The following ABCA13 variants were observed in gnomAD, a reference collection of about 807,000 sequenced individuals.
ABCA13 encodes the protein ATP binding cassette subfamily A member 13.
ABCA13 carries 476 observed loss-of-function variants against 478.7 expected under a neutral mutation model. The observed-to-expected ratio is 0.99, with a 90% CI of 0.92 to 1.07. The LOEUF is 1.07. Ranked by LOEUF, ABCA13 falls within the 50% of genes least tolerant of loss-of-function variation. ABCA13 has a pLI of 0.00. For synonymous variants in ABCA13, 2,252 were observed against 2,158.9 expected (o/e 1.04, Z -1.20); for missense variants, 6,060 against 5,910.6 (o/e 1.03, Z -0.83).
At chr7:48,379,831 C>G (rs1814072092) in intron 35 of ABCA13, among the ~76,000 whole-genome samples, 1 of 152,072 alleles carries the variant, frequency 6.6e-6, no homozygotes, top group Non-Finnish European at 1.5e-5. Context: ...TGACCTGGGT[C>G]TTTATTTAAA....
At chr7:48,446,554 T>A (rs888444221) in intron 42 of ABCA13, among the ~76,000 whole-genome samples, 1 of 152,184 alleles carries the variant, frequency 6.6e-6, no homozygotes, top group Admixed American at 6.5e-5. Flanking sequence ...CTTCTTCTGA[T>A]GATGGAAAGC....
chr7:48,562,878 G>C (rs1185461531), intron 55 of ABCA13, among the ~76,000 whole-genome samples: 1 of 151,960 alleles, frequency 6.6e-6, no homozygotes, highest in African/African-American at 2.4e-5. Flanking sequence ...ATCATCCTCT[G>C]TAATGATACT....
At chr7:48,418,876 C>T (rs1820376015) in intron 41 of ABCA13, among the ~76,000 whole-genome samples, 1 of 152,132 alleles carries the variant, frequency 6.6e-6, no homozygotes, top group African/African-American at 2.4e-5. Context: ...AGTCCATTCT[C>T]ACATTGCTGT....
At chr7:48,281,209 A>G in intron 18 of ABCA13, 134 bp from the exon 19 acceptor site, 2 of 709,522 alleles carry the variant, frequency 2.8e-6, no homozygotes, top group Non-Finnish European at 4.8e-6. Context: ...TTATGTTCCT[A>G]TGAAGAAAAT....
intron 35 of ABCA13, among the ~76,000 whole-genome samples, chr7:48,386,812 G>A (rs1815262863): frequency 6.6e-6 from 1 of 152,122 alleles, no homozygotes. Context: ...ATACAATTTA[G>A]GACATAGTCA....
chr7:48,323,901 T>C (rs1803906162), intron 27 of ABCA13, among the ~76,000 whole-genome samples: 1 of 152,162 alleles, frequency 6.6e-6, no homozygotes, highest in Non-Finnish European at 1.5e-5. Flanking sequence ...ATTTTATAAA[T>C]GGGAGTTCCC....
Position 48,368,747 on chromosome 7 carries a change from T to TTA in ABCA13, c.10803+852_10803+853dup, listed in dbSNP as rs142919965. On this transcript the variant is annotated intron_variant, in intron 32 of 61. Transcript: ENST00000435803. ...CACACACACATTTATATATATACAT[T>TTA]TATATATATATATACACACATATAC... 1.2e-3 allele frequency among the ~76,000 whole-genome samples: 167 copies of TTA among 135,950 alleles called. 1 individual carries two copies. The highest frequency in any genetic ancestry group is 5.9e-3 in the East Asian group (28 of 4,716). 89.2% of individuals were successfully genotyped at this position (135,950 alleles called of 152,430 possible).
chr7:48,591,139 A>T (rs1440567495), intron 57 of ABCA13, among the ~76,000 whole-genome samples: 1 of 151,296 alleles, frequency 6.6e-6, no homozygotes, highest in African/African-American at 2.4e-5. Flanking sequence ...ATACATGTTC[A>T]GTTGATTTTT....
chr7:48,278,544 T>A lies in ABCA13; in HGVS notation c.7350T>A (p.Leu2450=), dbSNP rs368415196. Residue 2450 remains leucine, a synonymous_variant, in exon 18 of 62, where the codon CTT becomes CTA. Transcript: ENST00000435803. ...ATCCTACCCTCCAAGAAGTTATACT[T>A]GCTAATCTAACGGATTTGCTTTTCT... ...ALYPTLQEVI[L]ANLTDLLFFI... is the part of the protein sequence containing the mutation. 3 of 1,613,870 alleles carry A rather than the reference T, an allele frequency of 1.9e-6. No individual in the cohort carries two copies. The African/African-American group carries it at 4.0e-5, about 22-fold the overall frequency.
chr7:48,490,285 G>C, intron 48 of ABCA13, among the ~76,000 whole-genome samples: 1 of 152,180 alleles, frequency 6.6e-6, no homozygotes, highest in Non-Finnish European at 1.5e-5. Flanking sequence ...TAACATATTT[G>C]AAGTGTATCA....
chr7:48,360,582 G>T (rs1264242609), intron 31 of ABCA13, among the ~76,000 whole-genome samples: 1 of 151,894 alleles, frequency 6.6e-6, no homozygotes, highest in Non-Finnish European at 1.5e-5. Context: ...CAAGAGTGAA[G>T]AAAATAGAGA....
At chr7:48,468,709 A>G (rs1827154419) in intron 44 of ABCA13, among the ~76,000 whole-genome samples, 1 of 152,208 alleles carries the variant, frequency 6.6e-6, no homozygotes, top group South Asian at 2.1e-4. Flanking sequence ...CAATCACTTG[A>G]TAATTAACTA....
At chr7:48,357,377 C>T (rs959636716) in intron 31 of ABCA13, among the ~76,000 whole-genome samples, 4 of 151,910 alleles carry the variant, frequency 2.6e-5, no homozygotes, top group African/African-American at 9.7e-5. Flanking sequence ...CCCTCTGTTG[C>T]CCGCAGGCTC....
chr7:48,324,016 A>G (rs1207171151), intron 27 of ABCA13, among the ~76,000 whole-genome samples: 1 of 152,226 alleles, frequency 6.6e-6, no homozygotes, highest in Non-Finnish European at 1.5e-5. Flanking sequence ...ACTGTGAGTC[A>G]ATTAAACCTC....
At chr7:48,556,568 CTCT>C (rs1242124901) in intron 55 of ABCA13, among the ~76,000 whole-genome samples, 2 of 151,942 alleles carry the variant, frequency 1.3e-5, no homozygotes, top group Non-Finnish European at 2.9e-5. Context: ...CCTTCTTTGT[CTCT>C]TCTTATGGAT....
At chr7:48,226,828 T>G (rs1788281160) in intron 5 of ABCA13, among the ~76,000 whole-genome samples, 1 of 152,208 alleles carries the variant, frequency 6.6e-6, no homozygotes, top group Admixed American at 6.5e-5. Context: ...GATCAAGCCA[T>G]CAGTGCTCAG....
chr7:48,498,024 A>G (rs1197046370), intron 48 of ABCA13, among the ~76,000 whole-genome samples: 1 of 152,154 alleles, frequency 6.6e-6, no homozygotes, highest in African/African-American at 2.4e-5. Flanking sequence ...GTCCCTCATG[A>G]CATGAGAAGT....
chr7:48,549,729 G>T (rs1785138802), intron 55 of ABCA13, among the ~76,000 whole-genome samples: 1 of 151,814 alleles, frequency 6.6e-6, no homozygotes, highest in Non-Finnish European at 1.5e-5. Flanking sequence ...AGCATGTATT[G>T]TTTCCTGACA....
Position 48,520,121 on chromosome 7 carries a change from ACT to A in ABCA13, c.13881_13882del (p.Cys4628LeufsTer2). The A allele has an allele frequency of 6.2e-7, 1 of 1,613,658 alleles. No homozygotes were observed. Among genetic ancestry groups the A allele is most frequent in the Non-Finnish European group, 8.5e-7 (1 of 1,179,762 alleles). On this transcript the variant is annotated frameshift_variant, in exon 53 of 62. Transcript: ENST00000435803. LOFTEE classifies it high-confidence loss of function. ...TCTGTCTTGGTCAAGGACTGGTAGA[ACT>A]CTGCTATAATCAGATCAAATATGAC... ...QFCLGQGLVE[L>X]CYNQIKYDLT... is the part of the protein sequence containing the mutation.
Sources: gnomAD v4.1 joint callset for allele counts (sites outside exome capture counted in the v4.1 genomes callset) on GRCh38, gnomAD v4.1.1 for gene constraint, MANE v1.5 for transcripts, NCBI Gene and HGNC (gene_info 2026-07-23, HGNC 2026-07-21) for gene names.